Variants in MAZ observed in about 807,000 individuals in gnomAD.
MAZ encodes myc-associated zinc finger protein.
A neutral mutation model predicts 32.7 loss-of-function variants in MAZ; 4 were observed. The ratio of observed to expected loss-of-function variants is 0.12; its 90% CI spans 0.06 to 0.28. MAZ has a LOEUF of 0.28. Among genes scored for constraint, MAZ ranks in the 10% least tolerant of loss-of-function variants. The pLI is 1.00. For synonymous variants in MAZ, 510 were observed against 297.6 expected (o/e 1.71, Z -7.35); for missense variants, 763 against 667.2 (o/e 1.14, Z -1.58).
intron 4 of MAZ, chr16:29,809,520 C>CAA: frequency 1.3e-6 from 2 of 1,535,898 alleles, no homozygotes; most frequent in Non-Finnish European, 1.8e-6. Context: ...CCCGCCCCAT[C>CAA]CCAATCCACC....
At position 29,807,472 on chromosome 16, in the gene MAZ, C is replaced by T. The variant is rs201961309; in HGVS notation, c.687C>T (p.Thr229=). 1.0e-4 allele frequency: 169 copies of T among 1,612,374 alleles called. 1 individual carries two copies. The African/African-American group carries it at 1.8e-3, about 17-fold the overall frequency. Residue 229 remains threonine, a synonymous_variant, in exon 2 of 5, where the codon ACC becomes ACT. Transcript: ENST00000322945. ...CCTCGGGTGCTATGAAGATGCCGAC[C>T]ATGGTGCCCCTGAGCCTCCTGAGCG... ...RVPSGAMKMP[T]MVPLSLLSVP... is the part of the protein sequence containing the mutation.
Position 29,806,778 on chromosome 16 carries a change from G to A in MAZ, c.77G>A (p.Gly26Asp). 3 of 1,433,342 alleles carry A rather than the reference G, an allele frequency of 2.1e-6. No individual in the cohort carries two copies. Among genetic ancestry groups the A allele is most frequent in the Non-Finnish European group, 2.8e-6 (3 of 1,085,812 alleles). The allele number at this position is 1,433,342 out of a possible 1,614,324, so 88.8% of individuals were successfully genotyped here. Residue 26 changes from glycine (G) to aspartate (D), a missense_variant, in exon 1 of 5, where the codon GGC becomes GAC. Transcript: ENST00000322945. ...VLGLDSRGVG[G>D]LMNSFPPPQG... The stretch of plus-strand genomic sequence containing the variant: ...GGCCTGGACTCCCGGGGGGTGGGCG[G>A]CCTCATGAACTCCTTCCCGCCACCT...
intron 2 of MAZ, 163 bp from the exon 3 acceptor site, chr16:29,808,067 A>G (rs911166318): frequency 1.5e-5 from 15 of 980,102 alleles, no homozygotes; most frequent in Admixed American, 7.3e-5. Flanking sequence ...CGGCGGCGGC[A>G]GCGGCTGCTG....
In MAZ at chr16:29,807,585, C is replaced by G; in HGVS notation, c.800C>G (p.Thr267Ser). ...GCAGTGGCCGCCGGTGGCGTGGTGA[C>G]CACGACCGCCTCGGGGAAGCGCATC... ...AAAVAAGGVV[T>S]TTASGKRIRK... The change falls in exon 2 of 5, where the codon ACC becomes AGC. Residue 267 changes from threonine to serine, a missense_variant. Coordinates refer to ENST00000322945, the MANE Select transcript of MAZ (RefSeq NM_002383.4). 3 of 1,610,892 alleles carry G rather than the reference C, an allele frequency of 1.9e-6. No homozygotes were observed. The highest frequency in any genetic ancestry group is 2.5e-6 in the Non-Finnish European group (3 of 1,179,222).
chr16:29,806,197 C>A, upstream of MAZ: 3 of 390,896 alleles, frequency 7.7e-6, no homozygotes, highest in Non-Finnish European at 1.3e-5. Context: ...ACTCCCTCCC[C>A]CCGCCCCCAC....
In MAZ at chr16:29,808,460, G is replaced by C. The variant is rs1899684857; in HGVS notation, c.1108-110G>C. On this transcript the variant is annotated intron_variant, in intron 3 of 4. Coordinates refer to ENST00000322945, the MANE Select transcript of MAZ (RefSeq NM_002383.4). ...CATCATGTCACTCCCATTTCCTACAGATCAAAGATCCCCAAGGCTCTGATT... is the reference window on the plus strand; with the variant it reads ...CATCATGTCACTCCCATTTCCTACACATCAAAGATCCCCAAGGCTCTGATT... 5.0e-6 allele frequency: 5 copies of C among 1,009,624 alleles called. No homozygotes were observed. In the Admixed American group the frequency reaches 1.0e-4, roughly 21 times the overall value. 62.5% of individuals were successfully genotyped at this position (1,009,624 alleles called of 1,614,324 possible). A position where few individuals can be genotyped will look rare whatever the true frequency, so the allele number is the denominator to read the frequency against.
rs1452573972 is a variant in MAZ, at chr16:29,808,670, C to T, written c.1208C>T (p.Ser403Leu). ...PCHVCGKMLS[S>L]AYISDHMKVH... ...CACGTGTGTGGCAAGATGCTGAGCT[C>T]GGCTTATATTTCGGACCACATGAAG... Residue 403 changes from serine to leucine, a missense_variant, in exon 4 of 5, where the codon TCG (serine) becomes TTG (leucine). Coordinates refer to ENST00000322945, the MANE Select transcript of MAZ (RefSeq NM_002383.4). The T allele has an allele frequency of 1.2e-6, 2 of 1,613,838 alleles. No homozygotes were observed. The highest frequency in any genetic ancestry group is 1.7e-5 in the Admixed American group (1 of 59,990).
Position 29,810,946 on chromosome 16 carries a change from G to A in MAZ, c.*715G>A, listed in dbSNP as rs1043958. 4.9e-6 allele frequency: 2 copies of A among 405,168 alleles called. No individual in the cohort carries two copies. The highest frequency in any genetic ancestry group is 9.9e-6 in the Non-Finnish European group (2 of 201,806). The allele number at this position is 405,168 out of a possible 1,614,324, so 25.1% of individuals were successfully genotyped here. On this transcript the variant is annotated 3_prime_UTR_variant, in exon 5 of 5. Transcript: ENST00000322945. ...GGGTGAGCGAGGGGTCCAGGGCCTAGAGGTGCTTCCTGGGGGCGGGGGAAT... is the reference window on the plus strand; with the variant it reads ...GGGTGAGCGAGGGGTCCAGGGCCTAAAGGTGCTTCCTGGGGGCGGGGGAAT...
chr16:29,808,511 C>A, intron 3 of MAZ, 59 bp from the exon 4 acceptor site: 1 of 1,228,726 alleles, frequency 8.1e-7, no homozygotes, highest in South Asian at 1.4e-5. Flanking sequence ...TCCCCCCTCC[C>A]CAGCCCACCA....
In MAZ at chr16:29,810,131, C is replaced by CAGCGGCAGCAGT; in HGVS notation, c.1338_1349dup (p.Ala448_Ala451dup). Reference sequence around the variant, plus strand: ...GCAGCGGCAGCGGCGGCAGCGGCAGCAGCGGCAGCAGTAGCAGCCCCTCCC... The same window carrying CAGCGGCAGCAGT: ...GCAGCGGCAGCGGCGGCAGCGGCAGCAGCGGCAGCAGTAGCGGCAGCAGTAGCAGCCCCTCCC... On this transcript the variant is annotated inframe_insertion, in exon 5 of 5. Coordinates refer to ENST00000322945, the MANE Select transcript of MAZ (RefSeq NM_002383.4). 6.2e-7 allele frequency: 1 copy of CAGCGGCAGCAGT among 1,609,690 alleles called. No homozygotes were observed. The highest frequency in any genetic ancestry group is 1.1e-5 in the South Asian group (1 of 90,938).
In MAZ at chr16:29,806,637, G is replaced by T. The variant is rs1365440212; in HGVS notation, c.-65G>T. ...CGGCCGGGGGCGGCGCCCCGAGCCC[G>T]GGCCCCGCGCGGCCCGCGCCCCCGG... On this transcript the variant is annotated 5_prime_UTR_variant, in exon 1 of 5. Coordinates refer to ENST00000322945, the MANE Select transcript of MAZ (RefSeq NM_002383.4). 10 of 970,774 alleles carry T rather than the reference G, an allele frequency of 1.0e-5. No individual in the cohort carries two copies. In the East Asian group the frequency reaches 9.5e-4, roughly 92 times the overall value. The allele number at this position is 970,774 out of a possible 1,614,324, so 60.1% of individuals were successfully genotyped here.
rs1899529312 is a variant in MAZ at position 29,807,067 on chromosome 16, G to C, written c.282G>C (p.Glu94Asp). ...TCCCGGTGCTCGCCGCCGCCCAGGAGTCCGCCGCGGCTGCTGCGGCCGCTG... is the reference window on the plus strand; with the variant it reads ...TCCCGGTGCTCGCCGCCGCCCAGGACTCCGCCGCGGCTGCTGCGGCCGCTG... ...DLLPVLAAAQ[E>D]SAAAAAAAAA... The change falls in exon 2 of 5, where the codon GAG becomes GAC. Residue 94 changes from glutamate to aspartate, a missense_variant. Glu to Asp is a conservative substitution (Grantham distance 45). Coordinates refer to ENST00000322945, the MANE Select transcript of MAZ (RefSeq NM_002383.4). 2.9e-6 allele frequency: 3 copies of C among 1,023,480 alleles called. No individual in the cohort carries two copies. In the South Asian group the frequency reaches 1.3e-4, roughly 43 times the overall value. 63.4% of individuals were successfully genotyped at this position (1,023,480 alleles called of 1,614,324 possible). A position where few individuals can be genotyped will look rare whatever the true frequency, so the allele number is the denominator to read the frequency against.
chr16:29,809,432 G>A, intron 4 of MAZ: 1 of 720,336 alleles, frequency 1.4e-6, no homozygotes, highest in Non-Finnish European at 2.4e-6. Context: ...TACCGTGGGA[G>A]GAGGACAGGG....
chr16:29,809,594 A>G, intron 4 of MAZ: 2 of 1,612,254 alleles, frequency 1.2e-6, no homozygotes, highest in Non-Finnish European at 1.7e-6. Context: ...CACGGGCTCC[A>G]GGCCCCGCGG....
chr16:29,807,169 G>A lies in MAZ; in HGVS notation c.384G>A (p.Lys128=). The A allele has an allele frequency of 5.4e-6, 6 of 1,101,714 alleles. No homozygotes were observed. Among genetic ancestry groups the A allele is most frequent in the Non-Finnish European group, 6.8e-6 (6 of 882,140 alleles). The allele number at this position is 1,101,714 out of a possible 1,614,324, so 68.2% of individuals were successfully genotyped here. A position where few individuals can be genotyped will look rare whatever the true frequency, so the allele number is the denominator to read the frequency against. ...CTACGGTGGACACAGCGGCCCTGAA[G>A]CAGCCTCCGGCGCCCCCTCCGCCAC... The part of the protein sequence containing the change: ...AASTVDTAAL[K]QPPAPPPPPP... Residue 128 remains lysine, a synonymous_variant, in exon 2 of 5, where the codon AAG becomes AAA. Coordinates refer to ENST00000322945, the MANE Select transcript of MAZ (RefSeq NM_002383.4).
At chr16:29,808,959 T>C (rs979040959) in intron 4 of MAZ, 3 of 573,454 alleles carry the variant, frequency 5.2e-6, no homozygotes, top group Non-Finnish European at 9.2e-6. Context: ...AGGTTGAACC[T>C]CCTGGTAATG....
chr16:29,810,499 G>A lies in MAZ; in HGVS notation c.*268G>A, dbSNP rs546668737. On this transcript the variant is annotated 3_prime_UTR_variant, in exon 5 of 5. Coordinates refer to ENST00000322945, the MANE Select transcript of MAZ (RefSeq NM_002383.4). ...TGGACAGTGGGCAGGGGTGGCAGAGGACACGAGCAGCCACTGCCCGTACCC... is the reference window on the plus strand; with the variant it reads ...TGGACAGTGGGCAGGGGTGGCAGAGAACACGAGCAGCCACTGCCCGTACCC... 2.1e-5 allele frequency: 15 copies of A among 702,212 alleles called. No individual in the cohort carries two copies. The East Asian group carries it at 4.0e-4, about 19-fold the overall frequency. The allele number at this position is 702,212 out of a possible 1,614,324, so 43.5% of individuals were successfully genotyped here.
chr16:29,810,288 C>T lies in MAZ; in HGVS notation c.*57C>T, dbSNP rs912841120. ...ATGGAGTAGAGTCCCTTGGTACAAG[C>T]TCCTCTCCCCCCTCTTTTCCCACCA... On this transcript the variant is annotated 3_prime_UTR_variant, in exon 5 of 5. Transcript: ENST00000322945. 9 of 1,494,480 alleles carry T rather than the reference C, an allele frequency of 6.0e-6. No individual in the cohort carries two copies. In the Admixed American group the frequency reaches 7.8e-5, roughly 13 times the overall value. The allele number at this position is 1,494,480 out of a possible 1,614,324, so 92.6% of individuals were successfully genotyped here.
At chr16:29,808,085 G>T in intron 2 of MAZ, 145 bp from the exon 3 acceptor site, 1 of 977,850 alleles carries the variant, frequency 1.0e-6, no homozygotes, top group Non-Finnish European at 1.5e-6. Context: ...CTGGGCTCCA[G>T]GGGAGGGATT....
Sources: gnomAD v4.1 joint callset for allele counts on GRCh38, gnomAD v4.1.1 for gene constraint, MANE v1.5 for transcripts, NCBI Gene and HGNC (gene_info 2026-07-23, HGNC 2026-07-21) for gene names.